MTUS1: variants seen among roughly 807,000 people sequenced by gnomAD.
The protein encoded by MTUS1 is microtubule associated scaffold protein 1.
MTUS1 carries 109 observed loss-of-function variants against 120.8 expected under a neutral mutation model. That is an observed-to-expected ratio of 0.90 (90% confidence interval 0.77 to 1.06). The LOEUF (loss-of-function observed/expected upper bound fraction) is 1.06, where lower values mean the gene tolerates loss of function less well. Ranked by LOEUF, MTUS1 falls within the 50% of genes least tolerant of loss-of-function variation. MTUS1 has a pLI of 0.00. For synonymous variants in MTUS1, 737 were observed against 550.5 expected, an observed-to-expected ratio of 1.34 and a Z score of -4.74; for missense variants, 2,210 against 1,486.3, an observed-to-expected ratio of 1.49 and a Z score of -8.01.
chr8:17,680,763 T>G (rs1814284115), intron 7 of MTUS1, among the ~76,000 whole-genome samples: 2 of 152,006 alleles, frequency 1.3e-5, no homozygotes, highest in African/African-American at 4.8e-5. Context: ...AAAGTATCTT[T>G]AAACACTAAG....
chr8:17,800,612 G>A (rs901044992), intron 1 of MTUS1: 1 of 152,180 alleles, frequency 6.6e-6, no homozygotes, highest in Admixed American at 6.5e-5. Flanking sequence ...ATTAAGATGA[G>A]ATTTTTCTAG....
At chr8:17,696,916 T>A (rs1818087475) in intron 6 of MTUS1, among the ~76,000 whole-genome samples, 1 of 152,200 alleles carries the variant, frequency 6.6e-6, no homozygotes, top group African/African-American at 2.4e-5. Context: ...TCTTCTAAAT[T>A]TACCTGTGTC....
At chr8:17,657,329 G>A (rs1808545097) in intron 8 of MTUS1, among the ~76,000 whole-genome samples, 1 of 151,480 alleles carries the variant, frequency 6.6e-6, no homozygotes, top group Non-Finnish European at 1.5e-5. Context: ...AGCACTTTGG[G>A]AGGCCGAGGC....
At chr8:17,696,077 A>AT (rs1481553454) in intron 6 of MTUS1, among the ~76,000 whole-genome samples, 5 of 152,102 alleles carry the variant, frequency 3.3e-5, no homozygotes, top group Non-Finnish European at 7.4e-5. Flanking sequence ...ACCCTTTGTT[A>AT]TTTTTCCCCC....
At chr8:17,688,425 A>G (rs1816280059) in intron 6 of MTUS1, among the ~76,000 whole-genome samples, 2 of 152,232 alleles carry the variant, frequency 1.3e-5, no homozygotes, top group African/African-American at 4.8e-5. Flanking sequence ...AAAAGGTGAC[A>G]GTCACTGACT....
At chr8:17,743,926 T>G (rs1283359637) in intron 2 of MTUS1, 127 bp from the exon 3 acceptor site, 2 of 727,854 alleles carry the variant, frequency 2.7e-6, no homozygotes, top group East Asian at 5.3e-5. Context: ...CAGGCCATGA[T>G]GGCAAAGAGG....
At chr8:17,715,379 A>G (rs1585903090) in intron 5 of MTUS1, among the ~76,000 whole-genome samples, 1 of 152,216 alleles carries the variant, frequency 6.6e-6, no homozygotes, top group Admixed American at 6.5e-5. Flanking sequence ...TAGAGGAAGA[A>G]CAATGTCTTA....
At chr8:17,669,203 G>C (rs1361379555) in intron 8 of MTUS1, among the ~76,000 whole-genome samples, 2 of 152,210 alleles carry the variant, frequency 1.3e-5, no homozygotes, top group African/African-American at 4.8e-5. Context: ...AGAAGGCACA[G>C]TTAACTTACT....
At chr8:17,726,175 T>G (rs2046218536) in intron 3 of MTUS1, among the ~76,000 whole-genome samples, 1 of 152,180 alleles carries the variant, frequency 6.6e-6, no homozygotes, top group Non-Finnish European at 1.5e-5. Flanking sequence ...TTGCTACTCA[T>G]TTGCAGCTCC....
rs75193344 is a variant in MTUS1 at position 17,697,066 on chromosome 8, C to T, written c.2624-12524G>A. Among the ~76,000 whole-genome samples, 111 of 152,260 alleles carry T rather than the reference C, an allele frequency of 7.3e-4. 3 individuals carry two copies. The East Asian group carries it at 8.1e-3, about 11-fold the overall frequency. ...TCAACACAAACAACACAATCTGCTG[C>T]CAAAAGTAAAAGTACTATGCACTTG... is the stretch of plus-strand genomic sequence containing the variant. On this transcript the variant is annotated intron_variant, in intron 6 of 14. Transcript: ENST00000693296.
rs144614606 is a variant in MTUS1, at chr8:17,652,350, A to T, written c.3384+836T>A. ...CTAACATAGGCTACACCACGGATGAACCTTGGAAACTTTATACTAAGTAAA... is the reference window on the plus strand; with the variant it reads ...CTAACATAGGCTACACCACGGATGATCCTTGGAAACTTTATACTAAGTAAA... On this transcript the variant is annotated intron_variant, in intron 12 of 14. Coordinates refer to ENST00000693296, the MANE Select transcript of MTUS1 (RefSeq NM_001363059.2). Among the ~76,000 whole-genome samples, 913 of 152,320 alleles carry T rather than the reference A, an allele frequency of 6.0e-3. 1 individual carries two copies. Among genetic ancestry groups the T allele is most frequent in the Non-Finnish European group, 9.5e-3 (649 of 68,022 alleles).
At chr8:17,712,847 G>A (rs376434317) in intron 6 of MTUS1, among the ~76,000 whole-genome samples, 3 of 152,050 alleles carry the variant, frequency 2.0e-5, no homozygotes, top group African/African-American at 7.2e-5. Context: ...AATATAGGCT[G>A]CTGAACTGGG....
At position 17,716,036 on chromosome 8, in the gene MTUS1, G is replaced by C. The variant is rs1822263465; in HGVS notation, c.2450-135C>G. The C allele has an allele frequency of 6.7e-6, 5 of 748,008 alleles. No individual in the cohort carries two copies. The East Asian group carries it at 7.8e-5, about 12-fold the overall frequency. 46.3% of individuals were successfully genotyped at this position (748,008 alleles called of 1,614,324 possible). ...CATGCCAGTCATTACTGAACATTGG[G>C]AATACAACATGGATAACAGGTAGCT... On this transcript the variant is annotated intron_variant, in intron 4 of 14. Transcript: ENST00000693296.
chr8:17,699,942 T>C (rs1368970733), intron 6 of MTUS1, among the ~76,000 whole-genome samples: 11 of 152,244 alleles, frequency 7.2e-5, no homozygotes, highest in South Asian at 2.1e-4. Context: ...AGATAAAAAA[T>C]TGGTTCCAAA....
At chr8:17,741,571 G>C (rs954156673) in intron 3 of MTUS1, among the ~76,000 whole-genome samples, 3 of 152,124 alleles carry the variant, frequency 2.0e-5, no homozygotes, top group Admixed American at 1.3e-4. Flanking sequence ...AGACTAAACA[G>C]ATCCACTTTT....
chr8:17,646,964 G>GT lies in MTUS1; in HGVS notation c.3599+17_3599+18insA, dbSNP rs1179793930. The GT allele has an allele frequency of 6.3e-7, 1 of 1,591,296 alleles. No individual in the cohort carries two copies. The highest frequency in any genetic ancestry group is 1.3e-5 in the African/African-American group (1 of 74,534). On this transcript the variant is annotated intron_variant, in intron 14 of 14. Transcript: ENST00000693296. ...GGGAGCGGGGAGCTCGGGAGAAACA[G>GT]CACTGTTTTATTTTTACCTTGAGAT...
In MTUS1 at chr8:17,684,312, G is replaced by C; in HGVS notation, c.2838+16C>G. On this transcript the variant is annotated intron_variant, in intron 7 of 14. Transcript: ENST00000693296. ...ACCTCAAGTAGAAAGGCTCTTTCTA[G>C]GATGCACCTCCTTACCTCAGACAGC... 1 of 1,605,612 alleles carries C rather than the reference G, an allele frequency of 6.2e-7. No homozygotes were observed. The highest frequency in any genetic ancestry group is 8.5e-7 in the Non-Finnish European group (1 of 1,172,402).
At chr8:17,649,445 T>C (rs1806514354) in intron 13 of MTUS1, among the ~76,000 whole-genome samples, 1 of 152,120 alleles carries the variant, frequency 6.6e-6, no homozygotes, top group Non-Finnish European at 1.5e-5. Context: ...ATTAAATTCA[T>C]TTCTATTCAT....
At chr8:17,664,901 G>C (rs1253554043) in intron 8 of MTUS1, among the ~76,000 whole-genome samples, 1 of 152,102 alleles carries the variant, frequency 6.6e-6, no homozygotes, top group African/African-American at 2.4e-5. Flanking sequence ...TTTGTGGACA[G>C]GCAGTGGCCT....
Sources: allele counts gnomAD v4.1 joint callset (sites outside exome capture counted in the v4.1 genomes callset), GRCh38; gene constraint gnomAD v4.1.1; transcripts MANE v1.5; gene names NCBI Gene and HGNC (gene_info 2026-07-23, HGNC 2026-07-21).